Variants in EYS observed in about 807,000 individuals in gnomAD.
The protein encoded by EYS is protein eyes shut homolog.
Under a neutral mutation model 282.1 loss-of-function variants are expected in EYS, and 250 were observed. The ratio of observed to expected loss-of-function variants is 0.89; its 90% CI spans 0.80 to 0.98. The LOEUF (loss-of-function observed/expected upper bound fraction) is 0.98. EYS is among the 50% of genes least tolerant of loss of function. The pLI, the probability that EYS is intolerant of heterozygous loss-of-function variation, is 0.00. For synonymous variants in EYS, 1,355 were observed against 1,282.9 expected, an observed-to-expected ratio of 1.06 and a Z score of -1.20; for missense variants, 4,016 against 3,709.0, an observed-to-expected ratio of 1.08 and a Z score of -2.15.
At chr6:64,937,867 G>A (rs1033750383) in intron 15 of EYS, among the ~76,000 whole-genome samples, 3 of 151,540 alleles carry the variant, frequency 2.0e-5, no homozygotes, top group African/African-American at 7.3e-5. Flanking sequence ...TCAAAAAGTT[G>A]TAATAATCAA....
At chr6:64,090,677 C>T (rs1452304549) in intron 31 of EYS, among the ~76,000 whole-genome samples, 1 of 151,944 alleles carries the variant, frequency 6.6e-6, no homozygotes, top group African/African-American at 2.4e-5. Flanking sequence ...TAATTTTTGT[C>T]TTGCGTTTAA....
chr6:63,786,715 T>A (rs1467609752), intron 39 of EYS, among the ~76,000 whole-genome samples: 1 of 151,938 alleles, frequency 6.6e-6, no homozygotes, highest in Non-Finnish European at 1.5e-5. Context: ...AAAGAGATAA[T>A]TTAAAAAATA....
chr6:63,948,289 A>G (rs952651255), intron 35 of EYS, among the ~76,000 whole-genome samples: 3 of 152,168 alleles, frequency 2.0e-5, no homozygotes. Context: ...CTCTTCTCCC[A>G]CAAGATGAAT....
rs143740368 is a variant in EYS at position 64,002,303 on chromosome 6, C to T, written c.6726-3120G>A. On this transcript the variant is annotated intron_variant, in intron 33 of 42. Transcript: ENST00000503581. ...GAGCCACCTCCACCACTCAATAAAA[C>T]CTTGCACTCTTCCTTTGAGCCTGTG... Among the ~76,000 whole-genome samples the T allele has an allele frequency of 5.3e-4, 80 of 152,302 alleles. 1 individual carries two copies. The highest frequency in any genetic ancestry group is 6.8e-3 in the Middle Eastern group (2 of 294).
At chr6:64,892,245 TTAA>T (rs1767313654) in intron 18 of EYS, among the ~76,000 whole-genome samples, 1 of 151,970 alleles carries the variant, frequency 6.6e-6, no homozygotes, top group African/African-American at 2.4e-5. Context: ...GAGAGAGGAA[TTAA>T]TAAGTAGATG....
chr6:64,145,946 C>A (rs139793202), intron 31 of EYS, among the ~76,000 whole-genome samples: 1 of 152,252 alleles, frequency 6.6e-6, no homozygotes, highest in East Asian at 1.9e-4. Flanking sequence ...AAGAGCCCTA[C>A]CAATGTGTTC....
chr6:64,510,057 G>T (rs1224850743), intron 26 of EYS, among the ~76,000 whole-genome samples: 2 of 151,982 alleles, frequency 1.3e-5, no homozygotes, highest in Admixed American at 1.3e-4. Flanking sequence ...AGCAGCAAAT[G>T]GTTGCATATT....
At chr6:64,598,470 C>A (rs1008297577) in intron 24 of EYS, among the ~76,000 whole-genome samples, 3 of 152,110 alleles carry the variant, frequency 2.0e-5, no homozygotes, top group African/African-American at 7.2e-5. Flanking sequence ...CAAAAACAAA[C>A]AAACAAACAA....
chr6:64,049,827 G>T (rs887395856), intron 33 of EYS, among the ~76,000 whole-genome samples: 1 of 152,164 alleles, frequency 6.6e-6, no homozygotes, highest in Non-Finnish European at 1.5e-5. Context: ...TCTGAAGACA[G>T]ATAGAAATGA....
rs770639598 is a variant in EYS, at chr6:65,591,282, G to C, written c.-333+48496C>G. Among the ~76,000 whole-genome samples the C allele has an allele frequency of 4.6e-5, 7 of 151,038 alleles. No individual in the cohort carries two copies. The South Asian group carries it at 1.5e-3, about 31-fold the overall frequency. On this transcript the variant is annotated intron_variant, in intron 2 of 42. Coordinates refer to ENST00000503581, the MANE Select transcript of EYS (RefSeq NM_001142800.2). ...AGTGGTGCCATCACAGCTTATTGCA[G>C]CCCTGACTCCATCTCAATCAATCCT... is the stretch of plus-strand genomic sequence containing the variant.
chr6:63,790,880 G>C (rs564854199), intron 37 of EYS, among the ~76,000 whole-genome samples: 2 of 152,152 alleles, frequency 1.3e-5, no homozygotes, highest in African/African-American at 4.8e-5. Context: ...TGTGCCAGCC[G>C]AGCTGTAAGG....
At chr6:63,803,149 T>C (rs575764704) in intron 37 of EYS, among the ~76,000 whole-genome samples, 1 of 152,302 alleles carries the variant, frequency 6.6e-6, no homozygotes, top group East Asian at 1.9e-4. Context: ...TGTCTTTTGC[T>C]TGGGTTCTCC....
At chr6:65,143,574 C>T (rs1477245121) in intron 12 of EYS, among the ~76,000 whole-genome samples, 1 of 151,920 alleles carries the variant, frequency 6.6e-6, no homozygotes, top group African/African-American at 2.4e-5. Context: ...GGAATTAAAA[C>T]AAGATAAAAT....
intron 34 of EYS, among the ~76,000 whole-genome samples, chr6:63,986,309 T>C (rs1239278045): frequency 2.6e-5 from 4 of 151,772 alleles, no homozygotes; most frequent in East Asian, 1.9e-4. Flanking sequence ...AAGGAACACT[T>C]ATACACTGTT....
At chr6:64,642,828 G>C (rs763476871) in intron 22 of EYS, among the ~76,000 whole-genome samples, 2 of 152,118 alleles carry the variant, frequency 1.3e-5, no homozygotes, top group African/African-American at 4.8e-5. Flanking sequence ...TTAATAGATA[G>C]TACTGGGCCA....
chr6:65,426,443 T>C (rs1767666688), intron 5 of EYS, among the ~76,000 whole-genome samples: 1 of 152,038 alleles, frequency 6.6e-6, no homozygotes, highest in Non-Finnish European at 1.5e-5. Context: ...CTTTAATGTC[T>C]AAAAAAACAC....
At position 65,605,728 on chromosome 6, in the gene EYS, T is replaced by C. The variant is rs370011486; in HGVS notation, c.-333+34050A>G. On this transcript the variant is annotated intron_variant, in intron 2 of 42. Coordinates refer to ENST00000503581, the MANE Select transcript of EYS (RefSeq NM_001142800.2). ...TATTGTAAGCACTGATATAGATTTA[T>C]ATTTATGGACATAAAAAGATAGCCA... 1.1e-4 allele frequency among the ~76,000 whole-genome samples: 17 copies of C among 151,982 alleles called. No individual in the cohort carries two copies. In the East Asian group the frequency reaches 2.7e-3, roughly 24 times the overall value.
At chr6:63,865,923 C>A (rs796676085) in intron 35 of EYS, among the ~76,000 whole-genome samples, 1 of 152,060 alleles carries the variant, frequency 6.6e-6, no homozygotes, top group South Asian at 2.1e-4. Flanking sequence ...GGCTTTGAGA[C>A]CTTCAGATTT....
chr6:64,086,126 C>T (rs890063233), intron 31 of EYS, among the ~76,000 whole-genome samples: 6 of 152,196 alleles, frequency 3.9e-5, no homozygotes, highest in African/African-American at 1.2e-4. Flanking sequence ...TCTGACTTTT[C>T]TACATCTGCT....
Sources: gnomAD v4.1 joint callset for allele counts (sites outside exome capture counted in the v4.1 genomes callset) on GRCh38, gnomAD v4.1.1 for gene constraint, MANE v1.5 for transcripts, NCBI Gene and HGNC (gene_info 2026-07-23, HGNC 2026-07-21) for gene names.